The following CFAP299 variants were observed in gnomAD, a reference collection of about 807,000 sequenced individuals.
CFAP299 encodes the protein cilia- and flagella-associated protein 299.
CFAP299 carries 21 observed loss-of-function variants against 27.0 expected under a neutral mutation model. That is an observed-to-expected ratio of 0.78 (90% CI 0.55 to 1.12). The LOEUF (loss-of-function observed/expected upper bound fraction) is 1.12, where lower values mean the gene tolerates loss of function less well. CFAP299 is among the 50% of genes most tolerant of loss of function. The probability of loss-of-function intolerance (pLI) is 0.00; values close to 1 mark genes in which losing one functional copy is unlikely to be tolerated. For synonymous variants in CFAP299, 104 were observed against 98.1 expected (o/e 1.06, Z -0.36); for missense variants, 310 against 276.6 (o/e 1.12, Z -0.86).
At chr4:80,573,473 C>T (rs1335974928) in intron 2 of CFAP299, among the ~76,000 whole-genome samples, 1 of 151,938 alleles carries the variant, frequency 6.6e-6, no homozygotes, top group Non-Finnish European at 1.5e-5. Flanking sequence ...TTGATGTGAT[C>T]CCATTTTTCT....
chr4:80,833,383 C>G (rs1402554545), intron 3 of CFAP299, among the ~76,000 whole-genome samples: 1 of 151,948 alleles, frequency 6.6e-6, no homozygotes, highest in Non-Finnish European at 1.5e-5. Flanking sequence ...TTTCCATTTC[C>G]CTGTCTCATT....
intron 2 of CFAP299, among the ~76,000 whole-genome samples, chr4:80,391,034 TACACAC>T (rs36176974): frequency 2.4e-5 from 3 of 124,024 alleles, no homozygotes. Flanking sequence ...TATATATGTA[TACACAC>T]ACACATATAT....
chr4:80,766,330 T>A (rs1231858932), intron 3 of CFAP299, among the ~76,000 whole-genome samples: 1 of 152,180 alleles, frequency 6.6e-6, no homozygotes, highest in Non-Finnish European at 1.5e-5. Context: ...GCTAAACTGT[T>A]GTTCAGGACT....
At chr4:80,457,747 C>T (rs1007812459) in intron 2 of CFAP299, among the ~76,000 whole-genome samples, 3 of 152,110 alleles carry the variant, frequency 2.0e-5, no homozygotes, top group Non-Finnish European at 2.9e-5. Context: ...CCATGCAGTT[C>T]GTTTGCTGTA....
the CFAP299 span, among the ~76,000 whole-genome samples, chr4:80,327,721 T>TATATATATATAA: frequency 7.5e-6 from 1 of 132,720 alleles, no homozygotes; most frequent in East Asian, 2.1e-4. Flanking sequence ...TATATATATA[T>TATATATATATAA]AACTTCAATA....
chr4:80,721,192 G>T lies in CFAP299; in HGVS notation c.333+138009G>T, dbSNP rs528076085. On this transcript the variant is annotated intron_variant, in intron 3 of 5. Coordinates refer to ENST00000358105, the MANE Select transcript of CFAP299 (RefSeq NM_152770.3). ...AGACAGAATAAAAGAAGAAATAATG[G>T]CTGAAAATTTTCAAATTTGATGGAA... 7.9e-4 allele frequency among the ~76,000 whole-genome samples: 120 copies of T among 152,198 alleles called. No individual in the cohort carries two copies. The Middle Eastern group carries it at 0.034, about 43-fold the overall frequency.
At chr4:80,386,258 C>A in intron 2 of CFAP299, 1 of 1,180,806 alleles carries the variant, frequency 8.5e-7, no homozygotes, top group African/African-American at 1.5e-5. Context: ...CCCGCCAGAG[C>A]CAGGTTGGAG....
intron 2 of CFAP299, among the ~76,000 whole-genome samples, chr4:80,493,401 C>T (rs1456466107): frequency 6.6e-6 from 1 of 152,070 alleles, no homozygotes; most frequent in Admixed American, 6.5e-5. Flanking sequence ...ATCTCACAGG[C>T]TAAACAAATT....
At chr4:80,586,892 T>G (rs1257169614) in intron 3 of CFAP299, among the ~76,000 whole-genome samples, 2 of 152,158 alleles carry the variant, frequency 1.3e-5, no homozygotes, top group Non-Finnish European at 2.9e-5. Context: ...GTTTTGGCTT[T>G]GAAATATGCA....
chr4:80,614,162 C>T (rs13152520), intron 3 of CFAP299, among the ~76,000 whole-genome samples: 29,138 of 152,104 alleles, frequency 0.19, 3,384 homozygotes, highest in South Asian at 0.39. Flanking sequence ...TTTACTCCAA[C>T]AGAATGTTGT....
intron 3 of CFAP299, among the ~76,000 whole-genome samples, chr4:80,676,107 T>C (rs548109845): frequency 2.6e-5 from 4 of 152,310 alleles, no homozygotes; most frequent in African/African-American, 9.6e-5. Context: ...CAGAAATCAC[T>C]GTCTTCTGCA....
intron 3 of CFAP299, among the ~76,000 whole-genome samples, chr4:80,811,496 C>T (rs560011035): frequency 5.3e-5 from 8 of 152,134 alleles, no homozygotes; most frequent in Non-Finnish European, 1.0e-4. Flanking sequence ...ATAATTAGTG[C>T]TTTAACAACC....
chr4:80,696,726 T>A (rs995763331), intron 3 of CFAP299, among the ~76,000 whole-genome samples: 2 of 152,150 alleles, frequency 1.3e-5, no homozygotes, highest in Non-Finnish European at 2.9e-5. Context: ...TCTGAGACAG[T>A]GACATTGAGG....
rs546393810 is a variant in CFAP299, at chr4:80,445,672, TA to T, written c.242+82798del. Among the ~76,000 whole-genome samples the T allele has an allele frequency of 3.4e-4, 50 of 148,980 alleles. No individual in the cohort carries two copies. In the South Asian group the frequency reaches 4.3e-3, roughly 13 times the overall value. On this transcript the variant is annotated intron_variant, in intron 2 of 5. Coordinates refer to ENST00000358105, the MANE Select transcript of CFAP299 (RefSeq NM_152770.3). ...ATGTATCCCAGAACTTAAAGTATAT[TA>T]AAAAAAAAACATTTAAAGTATCATC...
chr4:80,887,905 G>A (rs1451489550), intron 4 of CFAP299, among the ~76,000 whole-genome samples: 8 of 152,086 alleles, frequency 5.3e-5, no homozygotes. Flanking sequence ...GTTGTCATCA[G>A]CTTAAAATAA....
chr4:80,512,135 T>C (rs1054518565), intron 2 of CFAP299, among the ~76,000 whole-genome samples: 1 of 152,150 alleles, frequency 6.6e-6, no homozygotes, highest in African/African-American at 2.4e-5. Context: ...AAAATGCCTA[T>C]TAAGTTCAGT....
intron 3 of CFAP299, among the ~76,000 whole-genome samples, chr4:80,780,209 C>T (rs960069763): frequency 2.6e-5 from 4 of 152,026 alleles, no homozygotes; most frequent in African/African-American, 9.7e-5. Flanking sequence ...TTCTTCACTC[C>T]ATCAACACCT....
chr4:80,922,927 A>G (rs1476120844), intron 4 of CFAP299, among the ~76,000 whole-genome samples: 1 of 151,150 alleles, frequency 6.6e-6, no homozygotes, highest in Non-Finnish European at 1.5e-5. Flanking sequence ...CCTATAATAT[A>G]TACATTTTAC....
At chr4:80,437,298 T>C (rs765318909) in intron 2 of CFAP299, among the ~76,000 whole-genome samples, 6 of 152,206 alleles carry the variant, frequency 3.9e-5, no homozygotes, top group Non-Finnish European at 8.8e-5. Flanking sequence ...TCTCTAGAAC[T>C]GGAAAAAGTC....
Sources: gnomAD v4.1 joint callset for allele counts (sites outside exome capture counted in the v4.1 genomes callset) on GRCh38, gnomAD v4.1.1 for gene constraint, MANE v1.5 for transcripts, NCBI Gene and HGNC (gene_info 2026-07-23, HGNC 2026-07-21) for gene names.